SEMA3F: variants seen among roughly 807,000 people sequenced by gnomAD.
The protein encoded by SEMA3F is semaphorin 3F, also known as semaphorin-3F.
A neutral mutation model predicts 98.5 loss-of-function variants in SEMA3F; 30 were observed. The observed-to-expected ratio is 0.30, with a 90% CI of 0.23 to 0.41. The LOEUF (loss-of-function observed/expected upper bound fraction) is 0.41. Among genes scored for constraint, SEMA3F ranks in the 10% least tolerant of loss-of-function variants. The probability of loss-of-function intolerance (pLI) is 1.00; values close to 1 mark genes in which losing one functional copy is unlikely to be tolerated. For missense variants in SEMA3F, 866 were observed against 1,119.3 expected (o/e 0.77, Z 3.23); for synonymous variants, 380 against 444.8 (o/e 0.85, Z 1.83).
In SEMA3F at chr3:50,160,340, T is replaced by C. The variant is rs543864997; in HGVS notation, c.112+606T>C. ...CACGTGCTGCTGTGAGGGCCTGAGC[T>C]CCTGAGCTCCAGTGAGCACTTTGAT... On this transcript the variant is annotated intron_variant, in intron 2 of 18. Transcript: ENST00000002829. Among the ~76,000 whole-genome samples the C allele has an allele frequency of 1.1e-4, 16 of 152,250 alleles. No homozygotes were observed. The South Asian group carries it at 3.3e-3, about 32-fold the overall frequency.
At chr3:50,168,652 A>G (rs1461510111) in intron 2 of SEMA3F, among the ~76,000 whole-genome samples, 1 of 152,082 alleles carries the variant, frequency 6.6e-6, no homozygotes, top group Non-Finnish European at 1.5e-5. Context: ...TTAGGCTGAG[A>G]GCCAGGGGGC....
At position 50,182,760 on chromosome 3, in the gene SEMA3F, G is replaced by C. The variant is rs565856671; in HGVS notation, c.880G>C (p.Ala294Pro). The change falls in exon 9 of 19, where the codon GCC becomes CCC. Residue 294 changes from alanine (A) to proline (P), a missense_variant. Around this residue, in one of 3 missense-constraint regions of SEMA3F, gnomAD observed 374 missense variants for 582.8 expected, o/e 0.64. Coordinates refer to ENST00000002829, the MANE Select transcript of SEMA3F (RefSeq NM_004186.5). This position sits in a 1 kb window ranked among gnomAD's most constrained non-coding sequence, Gnocchi z 4.5. ...GGCGCCGCAGAGCCCCGCGGTGTAC[G>C]CCCGCATCGGGCGCATTTGCCTGGT... is the stretch of plus-strand genomic sequence containing the variant. Reference protein sequence around the residue: ...AEAPQSPAVYARIGRICLNDD... With the variant: ...AEAPQSPAVYPRIGRICLNDD... The C allele has an allele frequency of 1.9e-6, 3 of 1,612,996 alleles. No homozygotes were observed. Among genetic ancestry groups the C allele is most frequent in the Non-Finnish European group, 2.5e-6 (3 of 1,179,962 alleles).
At chr3:50,155,111 G>T, upstream of SEMA3F, 1 of 416,234 alleles carries the variant, frequency 2.4e-6, no homozygotes, top group Admixed American at 3.9e-5. This position sits in a 1 kb window ranked among gnomAD's most constrained non-coding sequence, Gnocchi z 4.9. Flanking sequence ...ACGAACCGCG[G>T]CGGTCCGGAG....
rs758457040 is a variant in SEMA3F, at chr3:50,183,223, C to T, written c.1056C>T (p.Asn352=). The change falls in exon 11 of 19, where the codon AAC becomes AAT. Residue 352 remains asparagine (N), a synonymous_variant. Coordinates refer to ENST00000002829, the MANE Select transcript of SEMA3F (RefSeq NM_004186.5). ...VFVQQTQDVR[N]PVIYAVFTSS... is the part of the protein sequence containing the mutation. ...TCCAGCAGACCCAGGACGTGAGGAA[C>T]CCTGTCATTTACGCTGTCTTTACCT... 6.2e-6 allele frequency: 10 copies of T among 1,614,056 alleles called. No individual in the cohort carries two copies. Among genetic ancestry groups the T allele is most frequent in the Non-Finnish European group, 7.6e-6 (9 of 1,180,046 alleles).
intron 2 of SEMA3F, among the ~76,000 whole-genome samples, chr3:50,167,724 G>T (rs1350984575): frequency 6.6e-6 from 1 of 152,168 alleles, no homozygotes; most frequent in African/African-American, 2.4e-5. Context: ...CCATCTTGAG[G>T]GTCCCACTGG....
chr3:50,178,188 G>A (rs1698889459), intron 7 of SEMA3F, among the ~76,000 whole-genome samples: 1 of 152,098 alleles, frequency 6.6e-6, no homozygotes, highest in Admixed American at 6.5e-5. Flanking sequence ...GTTGCAGTGA[G>A]CTGAGATCGT....
Position 50,187,860 on chromosome 3 carries a change from C to T in SEMA3F, c.2103C>T (p.Ala701=), listed in dbSNP as rs775821212. Residue 701 remains alanine, a synonymous_variant, in exon 19 of 19, where the codon GCC becomes GCT. Transcript: ENST00000002829. ...AGCTGCATGTACTGGGCCGGGACGC[C>T]GTCCATGCTGCCCTCTTCCCACCAC... ...RVQLHVLGRD[A]VHAALFPPLS... 1.7e-5 allele frequency: 28 copies of T among 1,613,146 alleles called. No individual in the cohort carries two copies. The highest frequency in any genetic ancestry group is 6.8e-6 in the Non-Finnish European group (8 of 1,179,930).
intron 18 of SEMA3F, among the ~76,000 whole-genome samples, chr3:50,187,383 A>G (rs894540730): frequency 1.3e-5 from 2 of 149,586 alleles, no homozygotes; most frequent in East Asian, 2.0e-4. Flanking sequence ...AGATCATTCA[A>G]CTGCATTCTA....
rs1363106217 is a variant in SEMA3F, at chr3:50,184,784, G to A, written c.1426G>A (p.Gly476Arg). 8.1e-6 allele frequency: 13 copies of A among 1,613,876 alleles called. No individual in the cohort carries two copies. The highest frequency in any genetic ancestry group is 1.1e-5 in the Non-Finnish European group (13 of 1,179,974). ...CGTGGACCAGGTGGATGCAGCCGAC[G>A]GGCGCTATGAGGTGCTTTTCCTGGG... ...IAVDQVDAAD[G>R]RYEVLFLGTD... Residue 476 changes from glycine (G) to arginine (R), a missense_variant, in exon 13 of 19, where the codon GGG (glycine) becomes AGG (arginine). Coordinates refer to ENST00000002829, the MANE Select transcript of SEMA3F (RefSeq NM_004186.5).
At chr3:50,167,995 C>T (rs1354969494) in intron 2 of SEMA3F, among the ~76,000 whole-genome samples, 2 of 152,176 alleles carry the variant, frequency 1.3e-5, no homozygotes, top group African/African-American at 2.4e-5. Context: ...AATAAAAACA[C>T]GCGGAGTCAT....
At chr3:50,171,599 G>A (rs1033427367) in intron 2 of SEMA3F, among the ~76,000 whole-genome samples, 1 of 152,140 alleles carries the variant, frequency 6.6e-6, no homozygotes, top group African/African-American at 2.4e-5. Flanking sequence ...AACCCCTGGC[G>A]GGCTGTCCCA....
rs571359374 is a variant in SEMA3F at position 50,178,439 on chromosome 3, G to A, written c.643+1578G>A. Reference sequence around the variant, plus strand: ...GTGGGTTTAAAATATTCAGAAAACCGGCCAGGCACAGTGGCTCATGCCTGT... The same window carrying A: ...GTGGGTTTAAAATATTCAGAAAACCAGCCAGGCACAGTGGCTCATGCCTGT... On this transcript the variant is annotated intron_variant, in intron 7 of 18. Coordinates refer to ENST00000002829, the MANE Select transcript of SEMA3F (RefSeq NM_004186.5). Among the ~76,000 whole-genome samples, 320 of 151,806 alleles carry A rather than the reference G, an allele frequency of 2.1e-3. 2 individuals carry two copies. Among genetic ancestry groups the A allele is most frequent in the Middle Eastern group, 0.02 (6 of 294 alleles).
At chr3:50,176,912 CT>C (rs1218142066) in intron 7 of SEMA3F, 51 bp downstream of exon 7, 1 of 1,434,030 alleles carries the variant, frequency 7.0e-7, no homozygotes, top group Non-Finnish European at 9.8e-7. Context: ...GCCTCTGCCC[CT>C]GGAGATGGGG....
intron 2 of SEMA3F, among the ~76,000 whole-genome samples, chr3:50,160,720 G>T (rs976209640): frequency 6.6e-6 from 1 of 152,244 alleles, no homozygotes; most frequent in African/African-American, 2.4e-5. Flanking sequence ...CCATACTGGG[G>T]TGAAAGGCTG....
chr3:50,186,163 T>A, intron 16 of SEMA3F, 117 bp downstream of exon 16: 1 of 1,441,362 alleles, frequency 6.9e-7, no homozygotes, highest in Non-Finnish European at 9.5e-7. Flanking sequence ...AGGGGAGTCT[T>A]ATGGGTAAGA....
rs540011238 is a variant in SEMA3F, at chr3:50,158,653, G to T, written c.-48-922G>T. 6.6e-6 allele frequency among the ~76,000 whole-genome samples: 1 copy of T among 152,246 alleles called. No homozygotes were observed. Among genetic ancestry groups the T allele is most frequent in the Non-Finnish European group, 1.5e-5 (1 of 68,046 alleles). On this transcript the variant is annotated intron_variant, in intron 1 of 18. Transcript: ENST00000002829. This position sits in a 1 kb window ranked among gnomAD's most constrained non-coding sequence, Gnocchi z 4.8. ...ATTTTCAGTCTCGATGCCCCCACCCGCAGTGCATCCGGTTGGGGGTGGTGG... is the reference window on the plus strand; with the variant it reads ...ATTTTCAGTCTCGATGCCCCCACCCTCAGTGCATCCGGTTGGGGGTGGTGG...
Position 50,182,494 on chromosome 3 carries a change from A to C in SEMA3F, c.763+91A>C. On this transcript the variant is annotated intron_variant, in intron 8 of 18. Coordinates refer to ENST00000002829, the MANE Select transcript of SEMA3F (RefSeq NM_004186.5). The surrounding 1 kb of genome is among the most constrained non-coding windows in gnomAD (Gnocchi z 4.5). ...AAGCACATGTGGGGGAAGTGGGGACATGTTTAGCCTATGACTACCTGGGGC... is the reference window on the plus strand; with the variant it reads ...AAGCACATGTGGGGGAAGTGGGGACCTGTTTAGCCTATGACTACCTGGGGC... 6.3e-7 allele frequency: 1 copy of C among 1,592,534 alleles called. No homozygotes were observed. The highest frequency in any genetic ancestry group is 8.6e-7 in the Non-Finnish European group (1 of 1,167,758).
intron 5 of SEMA3F, 45 bp from the exon 6 acceptor site, chr3:50,175,051 G>T: frequency 9.6e-7 from 1 of 1,036,576 alleles, no homozygotes; most frequent in Non-Finnish European, 1.5e-6. Context: ...CGCTCCCCCA[G>T]CCCCTGCCAC....
At chr3:50,164,341 G>T (rs948816393) in intron 2 of SEMA3F, among the ~76,000 whole-genome samples, 6 of 152,302 alleles carry the variant, frequency 3.9e-5, no homozygotes, top group East Asian at 1.9e-4. Context: ...TAATCGTAAA[G>T]AATTTAAAGA....
Sources: allele counts gnomAD v4.1 joint callset (sites outside exome capture counted in the v4.1 genomes callset), GRCh38; gene constraint gnomAD v4.1.1; regional missense constraint gnomAD v4.1.1; non-coding constraint Gnocchi (gnomAD v3.1); transcripts MANE v1.5; gene names NCBI Gene and HGNC (gene_info 2026-07-23, HGNC 2026-07-21).